Variants in ABCC9 observed in about 807,000 individuals in gnomAD.
ABCC9 encodes the protein ATP-binding cassette sub-family C member 9.
In ABCC9, 95 loss-of-function variants were observed where a neutral mutation model predicts 188.3. The observed-to-expected ratio is 0.50, with a 90% CI of 0.43 to 0.60. The LOEUF is 0.60. Among genes scored for constraint, ABCC9 ranks in the 20% least tolerant of loss-of-function variants. The pLI is 0.00. For synonymous variants in ABCC9, 659 were observed against 652.7 expected (o/e 1.01, Z -0.15); for missense variants, 1,102 against 1,876.3 (o/e 0.59, Z 7.62).
At chr12:21,940,397 A>C (rs1949642690) in intron 2 of ABCC9, among the ~76,000 whole-genome samples, 1 of 152,234 alleles carries the variant, frequency 6.6e-6, no homozygotes, top group African/African-American at 2.4e-5. Flanking sequence ...TTGCAAAAAC[A>C]AATGCTGTAA....
chr12:21,883,574 T>C (rs1320632808), intron 15 of ABCC9, among the ~76,000 whole-genome samples: 1 of 152,220 alleles, frequency 6.6e-6, no homozygotes, highest in Non-Finnish European at 1.5e-5. Flanking sequence ...AATAGACTAA[T>C]ACAGTTATCA....
chr12:21,931,321 T>C (rs1010260363), intron 4 of ABCC9, among the ~76,000 whole-genome samples: 2 of 152,062 alleles, frequency 1.3e-5, no homozygotes, highest in South Asian at 2.1e-4. Flanking sequence ...TGCTTCCCTT[T>C]CTGCCATGAT....
At position 21,913,073 on chromosome 12, in the gene ABCC9, A is replaced by G. The variant is rs1423430330; in HGVS notation, c.817-7T>C. The stretch of plus-strand genomic sequence containing the variant: ...GATGATCTGCAACTTTTTTCTGAAG[A>G]AAAAAAAAAGAAAAAAAAAACAGAT... On this transcript the variant is annotated splice_polypyrimidine_tract_variant and splice_region_variant and intron_variant, in intron 7 of 39. Coordinates refer to ENST00000261200, the MANE Select transcript of ABCC9 (RefSeq NM_020297.4). 1 of 1,499,532 alleles carries G rather than the reference A, an allele frequency of 6.7e-7. No individual in the cohort carries two copies. Among genetic ancestry groups the G allele is most frequent in the Non-Finnish European group, 9.1e-7 (1 of 1,099,540 alleles). 92.9% of individuals were successfully genotyped at this position (1,499,532 alleles called of 1,614,324 possible). A position where few individuals can be genotyped will look rare whatever the true frequency, so the allele number is the denominator to read the frequency against.
At chr12:21,873,429 A>C (rs1565766118) in intron 17 of ABCC9, among the ~76,000 whole-genome samples, 3 of 152,320 alleles carry the variant, frequency 2.0e-5, no homozygotes, top group South Asian at 4.1e-4. Context: ...AAACAAAAAA[A>C]ATGAAAAGAC....
At chr12:21,885,503 G>A (rs1946827973) in intron 15 of ABCC9, among the ~76,000 whole-genome samples, 1 of 152,016 alleles carries the variant, frequency 6.6e-6, no homozygotes. Flanking sequence ...CGTTTCTTGA[G>A]GTCATCTCAC....
chr12:21,829,721 A>G (rs1004135974), intron 30 of ABCC9, among the ~76,000 whole-genome samples: 15 of 152,198 alleles, frequency 9.9e-5, no homozygotes, highest in African/African-American at 3.6e-4. Context: ...AAAGGGCCTT[A>G]CAAAATCCAG....
chr12:21,864,000 T>TC (rs200306432), intron 19 of ABCC9, among the ~76,000 whole-genome samples: 3 of 151,786 alleles, frequency 2.0e-5, no homozygotes, highest in Admixed American at 6.6e-5. Flanking sequence ...ATGCCTGCTT[T>TC]CCCCCCCACC....
chr12:21,835,505 G>A (rs112800810), intron 30 of ABCC9, among the ~76,000 whole-genome samples: 1 of 152,170 alleles, frequency 6.6e-6, no homozygotes, highest in African/African-American at 2.4e-5. Flanking sequence ...TGATATTTCA[G>A]CAATGAGATA....
chr12:21,849,036 G>C (rs973245001), intron 24 of ABCC9, among the ~76,000 whole-genome samples: 2 of 152,082 alleles, frequency 1.3e-5, no homozygotes, highest in Admixed American at 1.3e-4. Flanking sequence ...GTTACATTGT[G>C]GGTTAAATCA....
At chr12:21,872,582 GATGT>G (rs1193624403) in intron 18 of ABCC9, 39 bp downstream of exon 18, 2 of 1,382,704 alleles carry the variant, frequency 1.4e-6, no homozygotes, top group South Asian at 2.3e-5. Flanking sequence ...AAGATTATCA[GATGT>G]ATGACATAGC....
chr12:21,850,834 C>A (rs932491045), intron 24 of ABCC9, among the ~76,000 whole-genome samples: 3 of 152,096 alleles, frequency 2.0e-5, no homozygotes, highest in African/African-American at 7.2e-5. Flanking sequence ...CCTAAGCAGG[C>A]ACTTGTCAAC....
At chr12:21,938,689 C>T (rs1333526424) in intron 2 of ABCC9, among the ~76,000 whole-genome samples, 3 of 152,258 alleles carry the variant, frequency 2.0e-5, no homozygotes, top group African/African-American at 4.8e-5. Context: ...TTCCAGTTGG[C>T]CACATTTATA....
chr12:21,878,155 GA>G (rs1946456785), intron 16 of ABCC9, among the ~76,000 whole-genome samples: 1 of 152,158 alleles, frequency 6.6e-6, no homozygotes, highest in African/African-American at 2.4e-5. Flanking sequence ...CAAATTATAT[GA>G]GTGTGAAATT....
At chr12:21,822,746 A>C (rs1396383829) in intron 31 of ABCC9, among the ~76,000 whole-genome samples, 2 of 148,204 alleles carry the variant, frequency 1.3e-5, no homozygotes, top group South Asian at 2.1e-4. Context: ...AGCTGAGATC[A>C]TGCCACTGCA....
chr12:21,862,987 T>G lies in ABCC9; in HGVS notation c.2305A>C (p.Asn769His). The G allele has an allele frequency of 6.2e-7, 1 of 1,612,644 alleles. No homozygotes were observed. The highest frequency in any genetic ancestry group is 8.5e-7 in the Non-Finnish European group (1 of 1,178,904). The change falls in exon 20 of 40, where the codon AAT becomes CAT. Residue 769 changes from asparagine (N) to histidine (H), a missense_variant. Asn to His is a moderately conservative substitution (Grantham distance 68). Around this residue, in one of 12 missense-constraint regions of ABCC9, gnomAD observed 258 missense variants for 325.6 expected, o/e 0.79. Coordinates refer to ENST00000261200, the MANE Select transcript of ABCC9 (RefSeq NM_020297.4). The stretch of plus-strand genomic sequence containing the variant: ...TTAAAAGGACTTCCAAAAGTAATAT[T>G]TTCTTCTACTGTAGCATTTAATAGC... ...PWLLNATVEE[N>H]ITFGSPFNKQ...
chr12:21,808,692 C>T (rs1272135102), intron 37 of ABCC9, among the ~76,000 whole-genome samples: 2 of 148,112 alleles, frequency 1.4e-5, no homozygotes, highest in African/African-American at 2.5e-5. Flanking sequence ...CACTTGACCC[C>T]AGGGATTAGA....
Position 21,797,480 on chromosome 12 carries a change from C to A in ABCC9, c.*3564G>T, listed in dbSNP as rs570121349. On this transcript the variant is annotated 3_prime_UTR_variant, in exon 40 of 40. Coordinates refer to ENST00000261200, the MANE Select transcript of ABCC9 (RefSeq NM_020297.4). Reference sequence around the variant, plus strand: ...GAATAAACACATTTATTGTAGAGAACAAATACATTTTATATATTGTAGAGA... The same window carrying A: ...GAATAAACACATTTATTGTAGAGAAAAAATACATTTTATATATTGTAGAGA... The A allele has an allele frequency of 6.6e-6, 1 of 152,130 alleles. No individual in the cohort carries two copies. Among genetic ancestry groups the A allele is most frequent in the East Asian group, 1.9e-4 (1 of 5,174 alleles). 9.4% of individuals were successfully genotyped at this position (152,130 alleles called of 1,614,324 possible).
intron 12 of ABCC9, among the ~76,000 whole-genome samples, chr12:21,900,468 T>C (rs572188681): frequency 3.3e-4 from 51 of 152,304 alleles, no homozygotes; most frequent in Admixed American, 7.8e-4. Flanking sequence ...GAGAATGACT[T>C]TGACGAGTTG....
intron 10 of ABCC9, among the ~76,000 whole-genome samples, 200 bp downstream of exon 10, chr12:21,909,957 G>A (rs906608887): frequency 2.6e-5 from 4 of 151,850 alleles, no homozygotes; most frequent in Non-Finnish European, 5.9e-5. Flanking sequence ...GCAGATATTT[G>A]AACTCAAGCA....
Sources: allele counts gnomAD v4.1 joint callset (sites outside exome capture counted in the v4.1 genomes callset), GRCh38; gene constraint gnomAD v4.1.1; regional missense constraint gnomAD v4.1.1; transcripts MANE v1.5; gene names NCBI Gene and HGNC (gene_info 2026-07-23, HGNC 2026-07-21).